ZNF30: variants seen among roughly 807,000 people sequenced by gnomAD.
The protein encoded by ZNF30 is zinc finger protein 30, also known as zinc finger protein 30 (KOX 28).
Under a neutral mutation model 13.2 loss-of-function variants are expected in ZNF30, and 15 were observed. The observed-to-expected ratio is 1.13, with a 90% CI of 0.76 to 1.75. The LOEUF (loss-of-function observed/expected upper bound fraction) is 1.75, where lower values mean the gene tolerates loss of function less well. Among genes scored for constraint, ZNF30 ranks in the 40% most tolerant of loss-of-function variants. The pLI is 0.00. For synonymous variants in ZNF30, 223 were observed against 256.6 expected (o/e 0.87, Z 1.25); for missense variants, 726 against 757.0 (o/e 0.96, Z 0.48).
intron 3 of ZNF30, among the ~76,000 whole-genome samples, chr19:34,933,033 G>A (rs2012538487): frequency 6.6e-6 from 1 of 151,648 alleles, no homozygotes; most frequent in Non-Finnish European, 1.5e-5. Context: ...TGCCCACCTG[G>A]CCTCCAAAAG....
chr19:34,944,938 G>A lies in ZNF30; in HGVS notation c.*100G>A. 9.0e-7 allele frequency: 1 copy of A among 1,108,270 alleles called. No homozygotes were observed. Among genetic ancestry groups the A allele is most frequent in the Non-Finnish European group, 1.2e-6 (1 of 801,962 alleles). The allele number at this position is 1,108,270 out of a possible 1,614,324, so 68.7% of individuals were successfully genotyped here. A position where few individuals can be genotyped will look rare whatever the true frequency, so the allele number is the denominator to read the frequency against. On this transcript the variant is annotated 3_prime_UTR_variant, in exon 5 of 5. Transcript: ENST00000601142. The stretch of plus-strand genomic sequence containing the variant: ...GAAACTTTCAAATGTGAAGAATATT[G>A]GCAGGTCTATTCTCATCTTATAATT...
In ZNF30 at chr19:34,943,774, A is replaced by G. The variant is rs779076476; in HGVS notation, c.808A>G (p.Ser270Gly). 39 of 1,614,030 alleles carry G rather than the reference A, an allele frequency of 2.4e-5. No homozygotes were observed. Among genetic ancestry groups the G allele is most frequent in the Non-Finnish European group, 3.2e-5 (38 of 1,179,908 alleles). ...FGCEECGKAF[S>G]TFSYLVQHQR... Reference sequence around the variant, plus strand: ...GTGTGAGGAGTGTGGGAAGGCCTTCAGTACCTTTTCATACCTGGTTCAACA... The same window carrying G: ...GTGTGAGGAGTGTGGGAAGGCCTTCGGTACCTTTTCATACCTGGTTCAACA... Residue 270 changes from serine (S) to glycine (G), a missense_variant, in exon 5 of 5, where the codon AGT (serine) becomes GGT (glycine). Transcript: ENST00000601142.
Position 34,943,606 on chromosome 19 carries a change from A to C in ZNF30, c.640A>C (p.Ser214Arg). 2 of 1,613,790 alleles carry C rather than the reference A, an allele frequency of 1.2e-6. No homozygotes were observed. Among genetic ancestry groups the C allele is most frequent in the Non-Finnish European group, 1.7e-6 (2 of 1,179,808 alleles). ...ATGTAAGCAATGTGGAAAGACTATT[A>C]GTGGTAGCTATCAACTTACAGTACA... ...LKCKQCGKTI[S>R]GSYQLTVHKS... is the part of the protein sequence containing the mutation. The change falls in exon 5 of 5, where the codon AGT (serine) becomes CGT (arginine). Residue 214 changes from serine to arginine, a missense_variant. Transcript: ENST00000601142.
In ZNF30 at chr19:34,944,331, C is replaced by T. The variant is rs1053294993; in HGVS notation, c.1365C>T (p.Pro455=). 1 of 1,613,946 alleles carries T rather than the reference C, an allele frequency of 6.2e-7. No individual in the cohort carries two copies. Among genetic ancestry groups the T allele is most frequent in the Admixed American group, 1.7e-5 (1 of 60,010 alleles). ...AAAGGGTTCATACTGGAGAGAAACCCTATGAGTGTAAGGAATGTGGCAAGG... is the reference window on the plus strand; with the variant it reads ...AAAGGGTTCATACTGGAGAGAAACCTTATGAGTGTAAGGAATGTGGCAAGG... The part of the protein sequence containing the change: ...VHQRVHTGEK[P]YECKECGKAF... Residue 455 remains proline (P), a synonymous_variant, in exon 5 of 5, where the codon CCC becomes CCT. Coordinates refer to ENST00000601142, the MANE Select transcript of ZNF30 (RefSeq NM_194325.3).
chr19:34,929,786 A>T (rs912744949), intron 1 of ZNF30, 98 bp from the exon 2 acceptor site: 6 of 643,860 alleles, frequency 9.3e-6, no homozygotes, highest in Admixed American at 3.2e-5. Flanking sequence ...GGGTGTTTGT[A>T]GCACAGTTTG....
Position 34,926,940 on chromosome 19 carries a change from G to T in ZNF30, c.-341G>T, listed in dbSNP as rs996081854. 9 of 398,400 alleles carry T rather than the reference G, an allele frequency of 2.3e-5. No homozygotes were observed. Among genetic ancestry groups the T allele is most frequent in the Non-Finnish European group, 3.5e-5 (8 of 226,000 alleles). 24.7% of individuals were successfully genotyped at this position (398,400 alleles called of 1,614,324 possible). On this transcript the variant is annotated 5_prime_UTR_variant, in exon 1 of 5. Coordinates refer to ENST00000601142, the MANE Select transcript of ZNF30 (RefSeq NM_194325.3). ...GCCGGGCATGCTCGGCGGTGTGACG[G>T]CTCAGGACTGCATTTCCCAGAGGCT...
rs2013169629 is a variant in ZNF30, at chr19:34,943,680, G to A, written c.714G>A (p.Gly238=). Residue 238 remains glycine, a synonymous_variant, in exon 5 of 5, where the codon GGG becomes GGA. Coordinates refer to ENST00000601142, the MANE Select transcript of ZNF30 (RefSeq NM_194325.3). ...GKKPYECGEC[G]KAFLVYGKLT... is the part of the protein sequence containing the mutation. The stretch of plus-strand genomic sequence containing the variant: ...AACCATATGAGTGCGGGGAATGTGG[G>A]AAAGCTTTTCTAGTATATGGAAAGC... The A allele has an allele frequency of 6.2e-7, 1 of 1,613,354 alleles. No individual in the cohort carries two copies. The highest frequency in any genetic ancestry group is 1.3e-5 in the African/African-American group (1 of 74,928).
At chr19:34,938,356 C>T (rs1345025365) in intron 4 of ZNF30, among the ~76,000 whole-genome samples, 1 of 152,112 alleles carries the variant, frequency 6.6e-6, no homozygotes, top group Non-Finnish European at 1.5e-5. Flanking sequence ...TCCTATCAGT[C>T]TCCTTATATT....
chr19:34,928,220 A>T (rs796363324), intron 1 of ZNF30, among the ~76,000 whole-genome samples: 57 of 73,376 alleles, frequency 7.8e-4, no homozygotes, highest in South Asian at 3.0e-3. Flanking sequence ...AAAAAAAAAA[A>T]ATATATATAT....
At chr19:34,939,892 CAT>C (rs767176068) in intron 4 of ZNF30, among the ~76,000 whole-genome samples, 1 of 152,156 alleles carries the variant, frequency 6.6e-6, no homozygotes, top group Non-Finnish European at 1.5e-5. Flanking sequence ...TATTCTTACA[CAT>C]GATTCTTACT....
intron 3 of ZNF30, among the ~76,000 whole-genome samples, chr19:34,932,609 C>A (rs933466594): frequency 1.3e-5 from 2 of 152,010 alleles, no homozygotes; most frequent in Non-Finnish European, 2.9e-5. Context: ...TGATTTTTAA[C>A]CTTACAAGCA....
intron 4 of ZNF30, among the ~76,000 whole-genome samples, chr19:34,936,033 C>T (rs1006617733): frequency 5.9e-5 from 9 of 152,288 alleles, no homozygotes; most frequent in Admixed American, 2.0e-4. Flanking sequence ...TATTCACTAC[C>T]GTGAGAACAG....
intron 4 of ZNF30, among the ~76,000 whole-genome samples, chr19:34,934,392 T>C (rs1304939614): frequency 6.6e-6 from 1 of 151,976 alleles, no homozygotes; most frequent in Admixed American, 6.6e-5. Flanking sequence ...GCCTCCTGAG[T>C]AGCTGGGACT....
intron 4 of ZNF30, among the ~76,000 whole-genome samples, chr19:34,935,700 GTTTTTTT>G (rs142285130): frequency 1.2e-5 from 1 of 84,222 alleles, no homozygotes; most frequent in African/African-American, 5.2e-5. Context: ...GTTGTCTATA[GTTTTTTT>G]TTTTTTTTTT....
chr19:34,938,170 T>C (rs2546006), intron 4 of ZNF30, among the ~76,000 whole-genome samples: 51,197 of 151,978 alleles, frequency 0.34, 8,721 homozygotes, highest in African/African-American at 0.37. Context: ...ACTGGTCTGG[T>C]AAAAACAGAA....
chr19:34,943,097 C>G, intron 4 of ZNF30, 126 bp from the exon 5 acceptor site: 2 of 568,512 alleles, frequency 3.5e-6, no homozygotes, highest in Non-Finnish European at 5.5e-6. Flanking sequence ...TTTTGAATTT[C>G]ATAATGGTGT....
Position 34,944,208 on chromosome 19 carries a change from C to G in ZNF30, c.1242C>G (p.Tyr414Ter), listed in dbSNP as rs2013207745. Residue 414 changes from tyrosine (Y) to a stop codon, truncating the protein, a stop_gained, in exon 5 of 5, where the codon TAC becomes TAG. Coordinates refer to ENST00000601142, the MANE Select transcript of ZNF30 (RefSeq NM_194325.3). LOFTEE classifies it low-confidence loss of function (END_TRUNC). ...ECGKAFSTGS[Y>*]LVQHQRIHTG... ...GCAAGGCCTTTAGTACTGGCTCATACCTTGTTCAGCATCAGAGGATCCATA... is the reference window on the plus strand; with the variant it reads ...GCAAGGCCTTTAGTACTGGCTCATAGCTTGTTCAGCATCAGAGGATCCATA... 6.2e-7 allele frequency: 1 copy of G among 1,613,740 alleles called. No individual in the cohort carries two copies. Among genetic ancestry groups the G allele is most frequent in the East Asian group, 2.2e-5 (1 of 44,868 alleles).
At chr19:34,939,433 C>A (rs1055706634) in intron 4 of ZNF30, among the ~76,000 whole-genome samples, 10 of 151,186 alleles carry the variant, frequency 6.6e-5, no homozygotes, top group African/African-American at 2.4e-4. Flanking sequence ...CCGCTTCGGC[C>A]TCCCAAAGTG....
intron 1 of ZNF30, 72 bp from the exon 2 acceptor site, chr19:34,929,812 G>A: frequency 1.3e-6 from 1 of 779,468 alleles, no homozygotes; most frequent in Non-Finnish European, 2.0e-6. Flanking sequence ...TGAAATGAAG[G>A]GACAGGAAGG....
Sources: gnomAD v4.1 joint callset for allele counts (sites outside exome capture counted in the v4.1 genomes callset) on GRCh38, gnomAD v4.1.1 for gene constraint, MANE v1.5 for transcripts, NCBI Gene and HGNC (gene_info 2026-07-23, HGNC 2026-07-21) for gene names.